CNN1: variants seen among roughly 807,000 people sequenced by gnomAD.
CNN1 encodes calponin-1.
Under a neutral mutation model 35.3 loss-of-function variants are expected in CNN1, and 21 were observed. The observed-to-expected ratio is 0.60, with a 90% CI of 0.42 to 0.86. The LOEUF (loss-of-function observed/expected upper bound fraction) is 0.86. Among genes scored for constraint, CNN1 ranks in the 40% least tolerant of loss-of-function variants. The pLI, the probability that CNN1 is intolerant of heterozygous loss-of-function variation, is 0.00. For synonymous variants in CNN1, 164 were observed against 161.8 expected, an observed-to-expected ratio of 1.01 and a Z score of -0.10; for missense variants, 314 against 400.8, an observed-to-expected ratio of 0.78 and a Z score of 1.85.
rs376859144 is a variant in CNN1, at chr19:11,549,705, C to G, written c.804C>G (p.Tyr268Ter). 6.2e-7 allele frequency: 1 copy of G among 1,614,116 alleles called. No individual in the cohort carries two copies. Among genetic ancestry groups the G allele is most frequent in the Non-Finnish European group, 8.5e-7 (1 of 1,180,040 alleles). Residue 268 changes from tyrosine to a stop codon, truncating the protein, a stop_gained, in exon 7 of 7, where the codon TAC (tyrosine) becomes TAG (stop). Transcript: ENST00000252456. LOFTEE classifies it high-confidence loss of function. The surrounding 1 kb of genome is among the most constrained non-coding windows in gnomAD (Gnocchi z 5.2). ...TGTATGGGCTGCCACGCCAGGTCTA[C>G]GACCCCAAGTACTGTCTGACTCCCG... is the stretch of plus-strand genomic sequence containing the variant. ...MTVYGLPRQV[Y>*]DPKYCLTPEY...
intron 2 of CNN1, among the ~76,000 whole-genome samples, chr19:11,545,860 G>C (rs1464436250): frequency 6.6e-6 from 1 of 150,936 alleles, no homozygotes; most frequent in Non-Finnish European, 1.5e-5. Flanking sequence ...CAGCTACTCG[G>C]AAGGCTGAGG....
chr19:11,539,724 G>A (rs1162866421), intron 1 of CNN1: 6 of 824,994 alleles, frequency 7.3e-6, no homozygotes, highest in African/African-American at 7.1e-5. Context: ...GGAACACTGA[G>A]GCTCAGGGTG....
intron 2 of CNN1, among the ~76,000 whole-genome samples, chr19:11,545,677 A>G (rs940515420): frequency 3.3e-5 from 5 of 151,568 alleles, no homozygotes; most frequent in Non-Finnish European, 5.9e-5. Context: ...GAATGAGGCC[A>G]GGTGCTGTCA....
chr19:11,540,159 G>T, intron 1 of CNN1: 1 of 666,066 alleles, frequency 1.5e-6, no homozygotes, highest in South Asian at 5.6e-5. Flanking sequence ...GGAGGGGGGG[G>T]ACAGTGGAGA....
At chr19:11,544,202 C>T (rs147439972) in intron 2 of CNN1, among the ~76,000 whole-genome samples, 7 of 151,972 alleles carry the variant, frequency 4.6e-5, no homozygotes, top group East Asian at 3.9e-4. Flanking sequence ...TATATGTCTG[C>T]GGGTGGAGAG....
chr19:11,540,081 G>A, intron 1 of CNN1: 1 of 1,030,252 alleles, frequency 9.7e-7, no homozygotes, highest in Non-Finnish European at 1.2e-6. Flanking sequence ...AGGCAGCCCG[G>A]TCCCCTAGGG....
intron 2 of CNN1, among the ~76,000 whole-genome samples, chr19:11,542,631 A>G (rs897006082): frequency 9.4e-5 from 14 of 149,240 alleles, no homozygotes; most frequent in African/African-American, 3.5e-4. Flanking sequence ...GCTGGAGTGC[A>G]GTGGCATGAT....
At chr19:11,542,896 C>T (rs955430302) in intron 2 of CNN1, among the ~76,000 whole-genome samples, 7 of 152,182 alleles carry the variant, frequency 4.6e-5, no homozygotes, top group African/African-American at 1.7e-4. Flanking sequence ...TAATGCATAG[C>T]AGGGCCCTAA....
intron 4 of CNN1, among the ~76,000 whole-genome samples, 159 bp from the exon 5 acceptor site, chr19:11,547,638 G>A (rs538587786): frequency 3.3e-5 from 5 of 152,280 alleles, no homozygotes; most frequent in South Asian, 2.1e-4. Context: ...GTGTGAAGCC[G>A]GGAGGCGGAG....
In CNN1 at chr19:11,547,265, C is replaced by T. The variant is rs377592815; in HGVS notation, c.390+296C>T. Among the ~76,000 whole-genome samples the T allele has an allele frequency of 4.1e-4, 62 of 151,970 alleles. No individual in the cohort carries two copies. In the East Asian group the frequency reaches 9.3e-3, roughly 23 times the overall value. On this transcript the variant is annotated intron_variant, in intron 4 of 6. Coordinates refer to ENST00000252456, the MANE Select transcript of CNN1 (RefSeq NM_001299.6). The stretch of plus-strand genomic sequence containing the variant: ...TACAAAAATTAGCTGGACGTGGTGA[C>T]GCATGCCTGTAATCCCAGCTACTCA...
intron 5 of CNN1, among the ~76,000 whole-genome samples, chr19:11,548,574 A>G (rs1196074501): frequency 6.6e-6 from 1 of 152,044 alleles, no homozygotes; most frequent in Non-Finnish European, 1.5e-5. Context: ...ATGGTGGCTC[A>G]TGCCAGTAAT....
intron 2 of CNN1, among the ~76,000 whole-genome samples, chr19:11,544,304 A>G (rs910467245): frequency 2.6e-5 from 4 of 151,910 alleles, no homozygotes; most frequent in Admixed American, 2.0e-4. Context: ...GGCTCAGGGG[A>G]CCTGAGGCAA....
At chr19:11,539,162 C>A in intron 1 of CNN1, 172 bp downstream of exon 1, 1 of 1,110,690 alleles carries the variant, frequency 9.0e-7, no homozygotes, top group Non-Finnish European at 1.2e-6. Context: ...CATCCCGGAG[C>A]CCCCAGCTAT....
chr19:11,548,056 A>C, intron 5 of CNN1, 149 bp downstream of exon 5: 1 of 533,442 alleles, frequency 1.9e-6, no homozygotes, highest in Non-Finnish European at 3.3e-6. Flanking sequence ...AAACTCACTC[A>C]CTCTGCCAAC....
At position 11,549,511 on chromosome 19, in the gene CNN1, C is replaced by G; in HGVS notation, c.649-39C>G. The G allele has an allele frequency of 6.2e-7, 1 of 1,607,436 alleles. No individual in the cohort carries two copies. The highest frequency in any genetic ancestry group is 8.5e-7 in the Non-Finnish European group (1 of 1,175,346). ...GGGACACGCCGTCAAGGCCCAGGAC[C>G]CTGGCCACCCCACGGCCTGACCACA... On this transcript the variant is annotated intron_variant, in intron 6 of 6. Coordinates refer to ENST00000252456, the MANE Select transcript of CNN1 (RefSeq NM_001299.6). The surrounding 1 kb of genome is among the most constrained non-coding windows in gnomAD (Gnocchi z 5.2).
At chr19:11,539,448 G>C in intron 1 of CNN1, 1 of 1,078,870 alleles carries the variant, frequency 9.3e-7, no homozygotes, top group East Asian at 1.0e-4. Context: ...GGCATCAGAA[G>C]TGCGGCAGGG....
intron 1 of CNN1, 49 bp from the exon 2 acceptor site, chr19:11,541,027 A>G (rs575133512): frequency 6.3e-5 from 97 of 1,539,122 alleles, no homozygotes; most frequent in Middle Eastern, 2.0e-4. Flanking sequence ...GCTGCCCCCA[A>G]TGCATCCTCA....
chr19:11,545,517 G>T (rs1252901343), intron 2 of CNN1, among the ~76,000 whole-genome samples: 1 of 127,548 alleles, frequency 7.8e-6, no homozygotes, highest in Admixed American at 8.2e-5. Context: ...TCTGGAGGGG[G>T]AAGCTGCATG....
chr19:11,548,489 C>T (rs1308389022), intron 5 of CNN1, among the ~76,000 whole-genome samples: 1 of 152,206 alleles, frequency 6.6e-6, no homozygotes, highest in Non-Finnish European at 1.5e-5. Context: ...TTCAAGGTTA[C>T]AATGATTGCA....
Sources: gnomAD v4.1 joint callset for allele counts (sites outside exome capture counted in the v4.1 genomes callset) on GRCh38, gnomAD v4.1.1 for gene constraint, Gnocchi (gnomAD v3.1) non-coding constraint, MANE v1.5 for transcripts, NCBI Gene and HGNC (gene_info 2026-07-23, HGNC 2026-07-21) for gene names.